CFAP61: variants seen among roughly 807,000 people sequenced by gnomAD.
CFAP61 encodes cilia and flagella associated protein 61, also known as cilia- and flagella-associated protein 61.
In CFAP61, 107 loss-of-function variants were observed where a neutral mutation model predicts 135.6. The ratio of observed to expected loss-of-function variants is 0.79; its 90% CI spans 0.67 to 0.93. The LOEUF is 0.93. Among genes scored for constraint, CFAP61 ranks in the 40% least tolerant of loss-of-function variants. The probability of loss-of-function intolerance (pLI) is 0.00; values close to 1 mark genes in which losing one functional copy is unlikely to be tolerated. For missense variants in CFAP61, 1,507 were observed against 1,556.2 expected (o/e 0.97, Z 0.53); for synonymous variants, 575 against 578.5 (o/e 0.99, Z 0.09).
At chr20:20,102,635 C>T (rs769233831) in intron 8 of CFAP61, among the ~76,000 whole-genome samples, 7 of 152,094 alleles carry the variant, frequency 4.6e-5, no homozygotes, top group Non-Finnish European at 7.4e-5. Context: ...TCCCTCCTCC[C>T]ACCCTCCACC....
At chr20:20,126,681 T>G (rs995977896) in intron 8 of CFAP61, among the ~76,000 whole-genome samples, 2 of 151,910 alleles carry the variant, frequency 1.3e-5, no homozygotes, top group African/African-American at 4.9e-5. Context: ...GATAACCTGA[T>G]GACAGTTTGC....
chr20:20,065,039 A>G (rs2045135638), intron 2 of CFAP61, among the ~76,000 whole-genome samples: 1 of 152,212 alleles, frequency 6.6e-6, no homozygotes, highest in African/African-American at 2.4e-5. Context: ...CTATATGAAA[A>G]TTTGATGACG....
chr20:20,249,264 T>C (rs2050701890), intron 19 of CFAP61, among the ~76,000 whole-genome samples: 2 of 152,130 alleles, frequency 1.3e-5, no homozygotes, highest in Admixed American at 1.3e-4. Context: ...TATTTTAAAC[T>C]GAGAAATGGC....
chr20:20,071,058 C>A, intron 3 of CFAP61, 54 bp downstream of exon 3: 3 of 1,564,708 alleles, frequency 1.9e-6, no homozygotes, highest in Non-Finnish European at 2.6e-6. Flanking sequence ...GAGGGGAAGT[C>A]CTGTGTTTGT....
intron 18 of CFAP61, among the ~76,000 whole-genome samples, chr20:20,237,046 C>T (rs2049647707): frequency 1.3e-5 from 2 of 152,114 alleles, no homozygotes; most frequent in Non-Finnish European, 2.9e-5. Context: ...GCCAGAACTC[C>T]CAAATTTTAT....
chr20:20,122,843 G>A lies in CFAP61; in HGVS notation c.860-20014G>A, dbSNP rs377663660. Reference sequence around the variant, plus strand: ...TAGTTCTTCAAGAAATGTCCACACCGTTTTCCATAGAGGTTGTACTAGTTT... The same window carrying A: ...TAGTTCTTCAAGAAATGTCCACACCATTTTCCATAGAGGTTGTACTAGTTT... On this transcript the variant is annotated intron_variant, in intron 8 of 26. Transcript: ENST00000245957. Among the ~76,000 whole-genome samples, 76 of 152,038 alleles carry A rather than the reference G, an allele frequency of 5.0e-4. 3 individuals carry two copies. Among genetic ancestry groups the A allele is most frequent in the African/African-American group, 9.9e-4 (41 of 41,338 alleles).
chr20:20,084,401 C>T (rs1041534163), intron 6 of CFAP61, among the ~76,000 whole-genome samples: 1 of 150,692 alleles, frequency 6.6e-6, no homozygotes, highest in African/African-American at 2.4e-5. Context: ...GCGGAGGTGG[C>T]CTGCTGCTGC....
Position 20,360,519 on chromosome 20 carries a change from C to T in CFAP61, c.*109C>T. ...GCCTGGTTTGACAGCGAAGCCAGCC[C>T]CTGGTGGTTTTGTTCATTCCTTTCC... On this transcript the variant is annotated 3_prime_UTR_variant, in exon 27 of 27. Coordinates refer to ENST00000245957, the MANE Select transcript of CFAP61 (RefSeq NM_015585.4). 9.8e-7 allele frequency: 1 copy of T among 1,019,236 alleles called. No homozygotes were observed. Among genetic ancestry groups the T allele is most frequent in the Non-Finnish European group, 1.5e-6 (1 of 683,644 alleles). The allele number at this position is 1,019,236 out of a possible 1,614,324, so 63.1% of individuals were successfully genotyped here. A position where few individuals can be genotyped will look rare whatever the true frequency, so the allele number is the denominator to read the frequency against.
At position 20,277,195 on chromosome 20, in the gene CFAP61, G is replaced by A; in HGVS notation, c.2533G>A (p.Asp845Asn). The A allele has an allele frequency of 6.2e-7, 1 of 1,612,748 alleles. No homozygotes were observed. The highest frequency in any genetic ancestry group is 8.5e-7 in the Non-Finnish European group (1 of 1,179,258). The change falls in exon 22 of 27, where the codon GAT becomes AAT. Residue 845 changes from aspartate (D) to asparagine (N), a missense_variant. Transcript: ENST00000245957. The stretch of plus-strand genomic sequence containing the variant: ...TATCATTGTCTATGGGAATACAATT[G>A]ATACTTACACCACCGTGGAGACGCT... The part of the protein sequence containing the change: ...GNIIVYGNTI[D>N]TYTTVETLLN...
At chr20:20,354,286 G>C (rs1247384356) in intron 26 of CFAP61, among the ~76,000 whole-genome samples, 1 of 152,156 alleles carries the variant, frequency 6.6e-6, no homozygotes, top group Non-Finnish European at 1.5e-5. Context: ...TGGATCATTT[G>C]AGGTCAGGAG....
chr20:20,258,916 T>G (rs576814145), intron 20 of CFAP61, among the ~76,000 whole-genome samples: 185 of 152,262 alleles, frequency 1.2e-3, no homozygotes, highest in Middle Eastern at 3.4e-3. Context: ...GGTCAGTTAG[T>G]AGGGAGGTGA....
chr20:20,198,387 G>T (rs1415071784), intron 16 of CFAP61, among the ~76,000 whole-genome samples: 1 of 152,038 alleles, frequency 6.6e-6, no homozygotes, highest in Non-Finnish European at 1.5e-5. Context: ...TAATACCTTG[G>T]GCATTTCATT....
At chr20:20,076,530 A>G (rs2046061599) in intron 6 of CFAP61, among the ~76,000 whole-genome samples, 1 of 152,172 alleles carries the variant, frequency 6.6e-6, no homozygotes, top group East Asian at 1.9e-4. Context: ...GAGCCCTGCC[A>G]GAGTTCTGAC....
At chr20:20,260,810 A>G (rs967782767) in intron 20 of CFAP61, among the ~76,000 whole-genome samples, 2 of 152,204 alleles carry the variant, frequency 1.3e-5, no homozygotes, top group Non-Finnish European at 1.5e-5. Flanking sequence ...TTGTTAAATC[A>G]TGACTTATTA....
intron 6 of CFAP61, among the ~76,000 whole-genome samples, chr20:20,089,178 CA>C (rs2047006312): frequency 6.6e-6 from 1 of 152,148 alleles, no homozygotes; most frequent in Non-Finnish European, 1.5e-5. Context: ...GTCAGCTTAG[CA>C]GAGTGTGAAG....
chr20:20,189,723 T>G (rs1036031938), intron 14 of CFAP61, among the ~76,000 whole-genome samples: 4 of 152,224 alleles, frequency 2.6e-5, no homozygotes, highest in Non-Finnish European at 5.9e-5. Context: ...TCTCTAGTGT[T>G]GCTGGTGGGA....
intron 25 of CFAP61, 90 bp from the exon 26 acceptor site, chr20:20,341,741 G>A (rs1256515696): frequency 1.2e-5 from 11 of 894,656 alleles, no homozygotes; most frequent in Non-Finnish European, 1.8e-5. Flanking sequence ...GGCCAGAACT[G>A]TAATTTATAA....
intron 16 of CFAP61, among the ~76,000 whole-genome samples, chr20:20,198,578 C>T (rs2056438394): frequency 6.6e-6 from 1 of 152,074 alleles, no homozygotes; most frequent in Non-Finnish European, 1.5e-5. Context: ...TAAGAATTCC[C>T]AAATTCTGCT....
At chr20:20,253,611 C>T (rs2051191849) in intron 20 of CFAP61, 4 of 488,048 alleles carry the variant, frequency 8.2e-6, no homozygotes, top group Non-Finnish European at 1.6e-5. Context: ...GGGCCACTGA[C>T]CCTGTGTCCA....
Sources: gnomAD v4.1 joint callset for allele counts (sites outside exome capture counted in the v4.1 genomes callset) on GRCh38, gnomAD v4.1.1 for gene constraint, MANE v1.5 for transcripts, NCBI Gene and HGNC (gene_info 2026-07-23, HGNC 2026-07-21) for gene names.